CAMKMT: variants seen among roughly 807,000 people sequenced by gnomAD.
CAMKMT encodes CaM KMT.
Under a neutral mutation model 48.0 loss-of-function variants are expected in CAMKMT, and 53 were observed. That is an observed-to-expected ratio of 1.10 (90% CI 0.89 to 1.39). The LOEUF is 1.39. Among genes scored for constraint, CAMKMT ranks in the 40% most tolerant of loss-of-function variants. CAMKMT has a pLI of 0.00. For synonymous variants in CAMKMT, 165 were observed against 152.3 expected (o/e 1.08, Z -0.61); for missense variants, 428 against 402.7 (o/e 1.06, Z -0.54).
At position 44,401,522 on chromosome 2, in the gene CAMKMT, ACTCCAGACTGGGTGACAGAGACTCTGT is replaced by A. The variant is rs1417559828; in HGVS notation, c.376+11221_376+11247del. ...CAGTGAGCTGAGATTGTGTCACTGC[ACTCCAGACTGGGTGACAGAGACTCTGT>A]CTCAAAAAAAAAAATAAAATAAAAT... is the stretch of plus-strand genomic sequence containing the variant. On this transcript the variant is annotated intron_variant, in intron 3 of 10. Transcript: ENST00000378494. 1.1e-3 allele frequency among the ~76,000 whole-genome samples: 174 copies of A among 152,026 alleles called. 1 individual carries two copies. The highest frequency in any genetic ancestry group is 3.9e-3 in the African/African-American group (160 of 41,462).
intron 3 of CAMKMT, among the ~76,000 whole-genome samples, chr2:44,556,652 G>C (rs1460438311): frequency 1.6e-5 from 1 of 63,008 alleles, no homozygotes. Flanking sequence ...TGTATTTTTA[G>C]TAGAGACGGG....
At chr2:44,591,737 C>T (rs1052752430) in intron 3 of CAMKMT, among the ~76,000 whole-genome samples, 1 of 151,858 alleles carries the variant, frequency 6.6e-6, no homozygotes, top group Non-Finnish European at 1.5e-5. Context: ...GACTATAAAT[C>T]ATGCTGCTAT....
intron 3 of CAMKMT, among the ~76,000 whole-genome samples, chr2:44,410,514 C>T (rs1459895678): frequency 1.3e-5 from 2 of 151,576 alleles, no homozygotes; most frequent in Non-Finnish European, 2.9e-5. Flanking sequence ...TATCAGCATA[C>T]TTTCATGCCA....
intron 1 of CAMKMT, among the ~76,000 whole-genome samples, chr2:44,369,173 C>T (rs1203614668): frequency 1.3e-5 from 2 of 152,104 alleles, no homozygotes; most frequent in Non-Finnish European, 2.9e-5. Flanking sequence ...CATGAGCCAC[C>T]ATGCCTGAAC....
At chr2:44,641,997 T>G (rs734016) in intron 3 of CAMKMT, among the ~76,000 whole-genome samples, 1 of 151,992 alleles carries the variant, frequency 6.6e-6, no homozygotes, top group Non-Finnish European at 1.5e-5. Context: ...ATCCTGAAAT[T>G]TGGGTGAAAG....
At chr2:44,676,761 A>G (rs1199890503) in intron 3 of CAMKMT, 1 of 152,264 alleles carries the variant, frequency 6.6e-6, no homozygotes, top group East Asian at 1.9e-4. Context: ...TGAGAGAGAG[A>G]ACCTAATGAG....
intron 3 of CAMKMT, among the ~76,000 whole-genome samples, chr2:44,484,491 A>T (rs556546579): frequency 6.6e-5 from 10 of 152,194 alleles, no homozygotes; most frequent in African/African-American, 2.4e-4. Context: ...TGGTATTTTT[A>T]ATAAAATATT....
chr2:44,730,905 A>G (rs1165148970), intron 7 of CAMKMT, among the ~76,000 whole-genome samples: 1 of 152,244 alleles, frequency 6.6e-6, no homozygotes, highest in African/African-American at 2.4e-5. Context: ...ATAGCCATAC[A>G]AAGAACATGG....
intron 2 of CAMKMT, among the ~76,000 whole-genome samples, chr2:44,377,724 A>C (rs1378936269): frequency 6.6e-6 from 1 of 152,164 alleles, no homozygotes; most frequent in Non-Finnish European, 1.5e-5. Flanking sequence ...AGAACTCTTG[A>C]CTTTTGCCTT....
intron 3 of CAMKMT, among the ~76,000 whole-genome samples, chr2:44,622,036 A>G (rs1235603121): frequency 6.6e-6 from 1 of 152,210 alleles, no homozygotes; most frequent in Non-Finnish European, 1.5e-5. Context: ...TATAACTTCT[A>G]AATTATTGGC....
intron 3 of CAMKMT, among the ~76,000 whole-genome samples, chr2:44,474,818 C>G (rs193227890): frequency 7.1e-4 from 108 of 152,324 alleles, no homozygotes; most frequent in East Asian, 1.5e-3. Context: ...ACCCTCTATG[C>G]TGCAATTCTC....
intron 3 of CAMKMT, chr2:44,549,560 G>T (rs912894553): frequency 1.2e-5 from 8 of 694,756 alleles, no homozygotes; most frequent in Admixed American, 8.2e-5. Context: ...CTTAGACACA[G>T]GGTCTCACTC....
intron 3 of CAMKMT, among the ~76,000 whole-genome samples, chr2:44,441,404 C>T (rs1375831246): frequency 2.0e-5 from 3 of 152,106 alleles, no homozygotes; most frequent in Non-Finnish European, 4.4e-5. Flanking sequence ...TAATCCTTAG[C>T]CTGTGTCATC....
At position 44,654,743 on chromosome 2, in the gene CAMKMT, G is replaced by A. The variant is rs1004503249; in HGVS notation, c.377-49540G>A. On this transcript the variant is annotated intron_variant, in intron 3 of 10. Transcript: ENST00000378494. Reference sequence around the variant, plus strand: ...TTGGCCAGATTGGTCTCAAACTCCCGGCCTCGAGTGATCCACCTGCTTCGG... The same window carrying A: ...TTGGCCAGATTGGTCTCAAACTCCCAGCCTCGAGTGATCCACCTGCTTCGG... 5.3e-5 allele frequency among the ~76,000 whole-genome samples: 8 copies of A among 152,276 alleles called. No homozygotes were observed. The East Asian group carries it at 5.8e-4, about 11-fold the overall frequency.
chr2:44,678,364 CTG>C (rs1214455596), intron 3 of CAMKMT, among the ~76,000 whole-genome samples: 6 of 152,188 alleles, frequency 3.9e-5, no homozygotes, highest in Non-Finnish European at 7.4e-5. Context: ...CTAAATGTGA[CTG>C]TGTATTCACT....
chr2:44,461,422 T>C (rs1400860028), intron 3 of CAMKMT, among the ~76,000 whole-genome samples: 1 of 152,228 alleles, frequency 6.6e-6, no homozygotes, highest in African/African-American at 2.4e-5. Context: ...CTCAAAGTTA[T>C]ATAGCTAGTA....
At chr2:44,668,335 C>G (rs897714001) in intron 3 of CAMKMT, among the ~76,000 whole-genome samples, 1 of 152,190 alleles carries the variant, frequency 6.6e-6, no homozygotes, top group African/African-American at 2.4e-5. Flanking sequence ...GCTAGGCATT[C>G]TTCTTATGCT....
intron 3 of CAMKMT, among the ~76,000 whole-genome samples, chr2:44,593,102 A>G (rs62132285): frequency 0.64 from 97,826 of 151,986 alleles, 31,965 homozygotes; most frequent in Admixed American, 0.71. Flanking sequence ...ATCCTTTCAG[A>G]TCTTGCTTTT....
chr2:44,449,370 C>T (rs762471355), intron 3 of CAMKMT, among the ~76,000 whole-genome samples: 4 of 152,156 alleles, frequency 2.6e-5, no homozygotes, highest in Non-Finnish European at 4.4e-5. Flanking sequence ...ATACCCTCAG[C>T]CCTGATAATT....
Sources: gnomAD v4.1 joint callset for allele counts (sites outside exome capture counted in the v4.1 genomes callset) on GRCh38, gnomAD v4.1.1 for gene constraint, MANE v1.5 for transcripts, NCBI Gene and HGNC (gene_info 2026-07-23, HGNC 2026-07-21) for gene names.